Variants in ZNF511 observed in about 807,000 individuals in gnomAD.
The protein encoded by ZNF511 is zinc finger protein 511.
In ZNF511, 26 loss-of-function variants were observed where a neutral mutation model predicts 24.8. The observed-to-expected ratio is 1.05, with a 90% CI of 0.77 to 1.46. The LOEUF (loss-of-function observed/expected upper bound fraction) is 1.46. ZNF511 is among the 40% of genes most tolerant of loss of function. ZNF511 has a pLI of 0.00. For synonymous variants in ZNF511, 144 were observed against 139.6 expected (o/e 1.03, Z -0.22); for missense variants, 358 against 345.0 (o/e 1.04, Z -0.30).
intron 4 of ZNF511, 25 bp from the exon 5 acceptor site, chr10:133,311,691 G>A: frequency 1.2e-6 from 2 of 1,602,148 alleles, no homozygotes; most frequent in South Asian, 1.1e-5. Flanking sequence ...GTGCAGGGCA[G>A]TTACTCACTG....
Position 133,312,191 on chromosome 10 carries a change from C to T in ZNF511, c.680+350C>T, listed in dbSNP as rs1292918188. On this transcript the variant is annotated intron_variant, in intron 5 of 5. Coordinates refer to ENST00000361518, the MANE Select transcript of ZNF511 (RefSeq NM_145806.4). ...CCTGTGCCGTCTGCGTTTCTAGCGT[C>T]ACCTGTGCCGTCTGCGTTTCTAGCG... 6 of 1,415,324 alleles carry T rather than the reference C, an allele frequency of 4.2e-6. No individual in the cohort carries two copies. In the Admixed American group the frequency reaches 9.1e-5, roughly 21 times the overall value. The allele number at this position is 1,415,324 out of a possible 1,614,324, so 87.7% of individuals were successfully genotyped here.
At chr10:133,312,155 T>C (rs894893876) in intron 5 of ZNF511, 2 of 1,433,664 alleles carry the variant, frequency 1.4e-6, no homozygotes, top group Non-Finnish European at 1.8e-6. Flanking sequence ...GCGTCTGCCT[T>C]AATAGCATCA....
chr10:133,309,485 AG>A, intron 2 of ZNF511, 22 bp downstream of exon 2: 1 of 1,607,994 alleles, frequency 6.2e-7, no homozygotes, highest in Non-Finnish European at 8.5e-7. Flanking sequence ...GGCAGTGCCT[AG>A]CCAGTGCTAC....
Position 133,311,742 on chromosome 10 carries a change from A to G in ZNF511, c.581A>G (p.Asp194Gly). Residue 194 changes from aspartate (D) to glycine (G), a missense_variant, in exon 5 of 6, where the codon GAC (aspartate) becomes GGC (glycine). Asp to Gly is a moderately conservative substitution (Grantham distance 94). Transcript: ENST00000361518. ...CCAGCCTCAGCAGAAGCCCCAGGGGACAGTGGAGAGCGGTCAGAAGGGGAG... is the reference window on the plus strand; with the variant it reads ...CCAGCCTCAGCAGAAGCCCCAGGGGGCAGTGGAGAGCGGTCAGAAGGGGAG... The part of the protein sequence containing the change: ...RSPASAEAPG[D>G]SGERSEGEAM... 6.2e-7 allele frequency: 1 copy of G among 1,613,536 alleles called. No homozygotes were observed. Among genetic ancestry groups the G allele is most frequent in the Non-Finnish European group, 8.5e-7 (1 of 1,179,974 alleles).
At chr10:133,310,567 C>T in intron 4 of ZNF511, 1 of 464,686 alleles carries the variant, frequency 2.2e-6, no homozygotes, top group Non-Finnish European at 4.0e-6. Context: ...AGCGCCTCCG[C>T]ACTCACACCC....
chr10:133,309,495 A>C (rs756999158), intron 2 of ZNF511, 32 bp downstream of exon 2: 1 of 1,599,838 alleles, frequency 6.3e-7, no homozygotes, highest in South Asian at 1.1e-5. Flanking sequence ...AGCCAGTGCT[A>C]CTCCTGCGCC....
chr10:133,309,577 G>T lies in ZNF511; in HGVS notation c.227+114G>T, dbSNP rs886218649. ...CCATGTGCGGCCGCCCCACCGAGGCGCTGTGCCTGTCCAGCTTTGGCGTGG... is the reference window on the plus strand; with the variant it reads ...CCATGTGCGGCCGCCCCACCGAGGCTCTGTGCCTGTCCAGCTTTGGCGTGG... On this transcript the variant is annotated intron_variant, in intron 2 of 5. Coordinates refer to ENST00000361518, the MANE Select transcript of ZNF511 (RefSeq NM_145806.4). The T allele has an allele frequency of 3.0e-6, 4 of 1,335,114 alleles. No homozygotes were observed. The African/African-American group carries it at 5.8e-5, about 19-fold the overall frequency. The allele number at this position is 1,335,114 out of a possible 1,614,324, so 82.7% of individuals were successfully genotyped here.
chr10:133,308,958 C>T lies in ZNF511; in HGVS notation c.15C>T (p.Pro5=). 3 of 1,238,594 alleles carry T rather than the reference C, an allele frequency of 2.4e-6. No homozygotes were observed. The highest frequency in any genetic ancestry group is 3.0e-6 in the Non-Finnish European group (3 of 984,426). 76.7% of individuals were successfully genotyped at this position (1,238,594 alleles called of 1,614,324 possible). MQLP[P]ALCARLAAGP... ...CGCCCGGGGTGATGCAGTTGCCCCC[C>T]GCGCTGTGCGCCCGCCTCGCTGCGG... The change falls in exon 1 of 6, where the codon CCC becomes CCT. Residue 5 remains proline (P), a synonymous_variant. Coordinates refer to ENST00000361518, the MANE Select transcript of ZNF511 (RefSeq NM_145806.4).
chr10:133,312,333 T>C, intron 5 of ZNF511: 1 of 1,165,898 alleles, frequency 8.6e-7, no homozygotes, highest in Non-Finnish European at 1.1e-6. Flanking sequence ...TTAAAGTTGA[T>C]TTTAAATTAA....
intron 4 of ZNF511, among the ~76,000 whole-genome samples, chr10:133,311,078 A>G (rs1212476716): frequency 6.6e-6 from 1 of 152,236 alleles, no homozygotes; most frequent in Non-Finnish European, 1.5e-5. Flanking sequence ...CTGAGATTGT[A>G]GGTATGAGCT....
At chr10:133,309,325 G>T (rs1022113674) in intron 1 of ZNF511, 65 bp from the exon 2 acceptor site, 2 of 1,560,268 alleles carry the variant, frequency 1.3e-6, no homozygotes, top group Non-Finnish European at 1.7e-6. Context: ...GGGTGTGGGC[G>T]AGGCCTGACG....
intron 4 of ZNF511, 185 bp downstream of exon 4, chr10:133,310,473 C>T (rs1847965936): frequency 1.5e-5 from 11 of 731,424 alleles, no homozygotes; most frequent in Admixed American, 5.8e-5. Context: ...GCCACCCTGC[C>T]GAAGGGAGGC....
intron 4 of ZNF511, chr10:133,310,584 G>A: frequency 2.3e-6 from 1 of 430,016 alleles, no homozygotes; most frequent in Non-Finnish European, 4.3e-6. Context: ...ACCCCTCTGG[G>A]CCATGCCTGT....
rs956000502 is a variant in ZNF511 at position 133,312,405 on chromosome 10, G to A, written c.681-383G>A. ...ACCAAAGACTCCAAACAGGTGGAAC[G>A]ATGAACTTAATGTTCCCTGCACCCT... On this transcript the variant is annotated intron_variant, in intron 5 of 5. Transcript: ENST00000361518. 3.4e-5 allele frequency: 40 copies of A among 1,173,524 alleles called. No homozygotes were observed. The Admixed American group carries it at 9.4e-4, about 28-fold the overall frequency. 72.7% of individuals were successfully genotyped at this position (1,173,524 alleles called of 1,614,324 possible).
In ZNF511 at chr10:133,312,838, G is replaced by A. The variant is rs2136156635; in HGVS notation, c.731G>A (p.Ser244Asn). Residue 244 changes from serine to asparagine, a missense_variant, in exon 6 of 6, where the codon AGC (serine) becomes AAC (asparagine). Transcript: ENST00000361518. ...FGQGAARGFK[S>N]NKKKTKQC ...CAGGGTGCCGCTCGAGGATTTAAAA[G>A]CAACAAGAAGAAAACCAAACAATGC... is the stretch of plus-strand genomic sequence containing the variant. The A allele has an allele frequency of 5.0e-6, 8 of 1,614,222 alleles. No homozygotes were observed. Among genetic ancestry groups the A allele is most frequent in the East Asian group, 2.2e-5 (1 of 44,894 alleles).
At position 133,309,033 on chromosome 10, in the gene ZNF511, G is replaced by T; in HGVS notation, c.90G>T (p.Gly30=). The change falls in exon 1 of 6, where the codon GGG becomes GGT. Residue 30 remains glycine (G), a synonymous_variant. Coordinates refer to ENST00000361518, the MANE Select transcript of ZNF511 (RefSeq NM_145806.4). ...CTGTAGAGCGGGATCCCGCGGCTGG[G>T]GCCGCGCCCTTTCGCTTCGTTGCGC... ...PLPVERDPAA[G]AAPFRFVARP... The T allele has an allele frequency of 7.9e-7, 1 of 1,269,568 alleles. No individual in the cohort carries two copies. Among genetic ancestry groups the T allele is most frequent in the Non-Finnish European group, 1.0e-6 (1 of 1,001,730 alleles). The allele number at this position is 1,269,568 out of a possible 1,614,324, so 78.6% of individuals were successfully genotyped here.
chr10:133,310,956 C>T (rs570068850), intron 4 of ZNF511, among the ~76,000 whole-genome samples: 17 of 152,206 alleles, frequency 1.1e-4, no homozygotes, highest in African/African-American at 1.7e-4. Flanking sequence ...CACGCATCGC[C>T]GCACTCGGCA....
Position 133,309,903 on chromosome 10 carries a change from G to T in ZNF511, c.355G>T (p.Gly119Ter). 6.2e-7 allele frequency: 1 copy of T among 1,613,654 alleles called. No homozygotes were observed. The highest frequency in any genetic ancestry group is 1.1e-5 in the South Asian group (1 of 91,084). The part of the protein sequence containing the change: ...CSFCKRAFPS[G>*]HLLDAHILEW... ...CTTTTGCAAGCGGGCCTTCCCTTCCGGACACCTGCTGGACGCCCACATCCT... is the reference window on the plus strand; with the variant it reads ...CTTTTGCAAGCGGGCCTTCCCTTCCTGACACCTGCTGGACGCCCACATCCT... The change falls in exon 3 of 6, where the codon GGA becomes TGA. Residue 119 changes from glycine to a stop codon, truncating the protein, a stop_gained. Coordinates refer to ENST00000361518, the MANE Select transcript of ZNF511 (RefSeq NM_145806.4). LOFTEE classifies it high-confidence loss of function.
At chr10:133,311,917 C>G (rs768917726) in intron 5 of ZNF511, 76 bp downstream of exon 5, 3 of 1,613,150 alleles carry the variant, frequency 1.9e-6, no homozygotes, top group East Asian at 4.5e-5. Flanking sequence ...GCACCTGGGC[C>G]GCAGCTCTTC....
Sources: gnomAD v4.1 joint callset for allele counts (sites outside exome capture counted in the v4.1 genomes callset) on GRCh38, gnomAD v4.1.1 for gene constraint, MANE v1.5 for transcripts, NCBI Gene and HGNC (gene_info 2026-07-23, HGNC 2026-07-21) for gene names.